SF3B1: variants seen among roughly 807,000 people sequenced by gnomAD.
SF3B1 encodes the protein pre-mRNA processing 10.
In SF3B1, 12 loss-of-function variants were observed where a neutral mutation model predicts 153.8. The observed-to-expected ratio is 0.08, with a 90% CI of 0.05 to 0.13. The LOEUF is 0.13. Ranked by LOEUF, SF3B1 falls within the 10% of genes least tolerant of loss-of-function variation. The pLI is 1.00. For synonymous variants in SF3B1, 498 were observed against 525.2 expected (o/e 0.95, Z 0.71); for missense variants, 513 against 1,606.1 (o/e 0.32, Z 11.63).
At chr2:197,407,665 A>G (rs1384858079) in intron 9 of SF3B1, among the ~76,000 whole-genome samples, 1 of 152,112 alleles carries the variant, frequency 6.6e-6, no homozygotes, top group African/African-American at 2.4e-5. Flanking sequence ...ACTTAAGTAT[A>G]TAAAATCTTG....
At chr2:197,412,811 CCT>C (rs761808197) in intron 6 of SF3B1, among the ~76,000 whole-genome samples, 108 of 150,012 alleles carry the variant, frequency 7.2e-4, no homozygotes, top group Non-Finnish European at 1.3e-3. Flanking sequence ...ACTGCGAAAC[CCT>C]GTCTCTACTA....
intron 20 of SF3B1, among the ~76,000 whole-genome samples, chr2:197,399,418 T>TA (rs1464158764): frequency 1.3e-5 from 2 of 151,978 alleles, no homozygotes; most frequent in Non-Finnish European, 2.9e-5. Context: ...ATAATCAATT[T>TA]AAAAAAAAGA....
In SF3B1 at chr2:197,407,989, A is replaced by T; in HGVS notation, c.1239+9T>A. ...CTAAATACCACCTCATTCAAATTTG[A>T]TGTACTACCTTATATCCTTCTGGGA... On this transcript the variant is annotated intron_variant, in intron 9 of 24. Transcript: ENST00000335508. 3 of 1,608,530 alleles carry T rather than the reference A, an allele frequency of 1.9e-6. No individual in the cohort carries two copies. The highest frequency in any genetic ancestry group is 2.5e-6 in the Non-Finnish European group (3 of 1,176,552).
intron 1 of SF3B1, among the ~76,000 whole-genome samples, chr2:197,430,420 A>G (rs977943587): frequency 1.3e-5 from 2 of 152,148 alleles, no homozygotes; most frequent in Non-Finnish European, 2.9e-5. Context: ...GGTGATGAGT[A>G]TATGAGGGGT....
chr2:197,405,355 T>C lies in SF3B1; in HGVS notation c.1357A>G (p.Met453Val). ...GATGGCTGGTCATTAACACTTTTCA[T>C]AGTTCGATCTTCAGTTTGCATGTGG... Reference protein sequence around the residue: ...GFHMQTEDRTMKSVNDQPSGN... With the variant: ...GFHMQTEDRTVKSVNDQPSGN... The change falls in exon 10 of 25, where the codon ATG becomes GTG. Residue 453 changes from methionine to valine, a missense_variant. Physicochemically the swap from Met to Val is conservative, Grantham distance 21. Transcript: ENST00000335508. 1 of 1,614,090 alleles carries C rather than the reference T, an allele frequency of 6.2e-7. No individual in the cohort carries two copies. The highest frequency in any genetic ancestry group is 8.5e-7 in the Non-Finnish European group (1 of 1,179,976).
intron 1 of SF3B1, among the ~76,000 whole-genome samples, chr2:197,428,703 G>A (rs562127939): frequency 2.4e-4 from 36 of 152,118 alleles, no homozygotes; most frequent in Non-Finnish European, 4.4e-4. Context: ...AAGCCGGCCT[G>A]GCCAACATGG....
At position 197,398,829 on chromosome 2, in the gene SF3B1, A is replaced by G. The variant is rs2084905987; in HGVS notation, c.3014-248T>C. The G allele has an allele frequency of 1.2e-5, 6 of 504,932 alleles. No homozygotes were observed. In the South Asian group the frequency reaches 1.2e-4, roughly 10 times the overall value. The allele number at this position is 504,932 out of a possible 1,614,324, so 31.3% of individuals were successfully genotyped here. On this transcript the variant is annotated intron_variant, in intron 20 of 24. Coordinates refer to ENST00000335508, the MANE Select transcript of SF3B1 (RefSeq NM_012433.4). ...AGGATGATGGATACTCAATAACAAA[A>G]AAGTTTTGTTTGATTCTGAAATATA...
intron 7 of SF3B1, among the ~76,000 whole-genome samples, chr2:197,409,286 C>T (rs767724547): frequency 3.9e-5 from 6 of 152,094 alleles, no homozygotes; most frequent in Non-Finnish European, 7.4e-5. Context: ...GTAATCCCAG[C>T]TACTCAGGAA....
chr2:197,396,475 G>A (rs1486990431), intron 22 of SF3B1, 147 bp from the exon 23 acceptor site: 1 of 641,788 alleles, frequency 1.6e-6, no homozygotes, highest in African/African-American at 1.8e-5. Flanking sequence ...TCAAGTCACT[G>A]GCATTGTTGT....
At chr2:197,426,591 T>C (rs1314141051) in intron 1 of SF3B1, among the ~76,000 whole-genome samples, 4 of 152,200 alleles carry the variant, frequency 2.6e-5, no homozygotes, top group Non-Finnish European at 5.9e-5. Flanking sequence ...AGAAATAGTC[T>C]GCAATCTCCT....
At chr2:197,406,774 C>G (rs2084998606) in intron 9 of SF3B1, among the ~76,000 whole-genome samples, 1 of 152,126 alleles carries the variant, frequency 6.6e-6, no homozygotes. Flanking sequence ...AACAAATACT[C>G]TAACACAAAT....
intron 7 of SF3B1, among the ~76,000 whole-genome samples, chr2:197,409,374 T>C (rs372064380): frequency 1.3e-5 from 2 of 151,272 alleles, no homozygotes; most frequent in African/African-American, 4.9e-5. Context: ...CATTCCAGTC[T>C]GGACAACAAG....
intron 6 of SF3B1, among the ~76,000 whole-genome samples, chr2:197,411,599 G>A (rs975557697): frequency 6.6e-6 from 1 of 151,820 alleles, no homozygotes; most frequent in Non-Finnish European, 1.5e-5. Context: ...GTGAACCCGG[G>A]AGGCAGAGTT....
At chr2:197,405,615 C>A in intron 9 of SF3B1, 143 bp from the exon 10 acceptor site, 1 of 634,498 alleles carries the variant, frequency 1.6e-6, no homozygotes, top group Non-Finnish European at 2.8e-6. Context: ...GCTTTTCTAT[C>A]TTAATTAGAA....
chr2:197,427,626 GA>G (rs1403383887), intron 1 of SF3B1, among the ~76,000 whole-genome samples: 6 of 152,140 alleles, frequency 3.9e-5, no homozygotes, highest in Admixed American at 3.3e-4. Flanking sequence ...AAAAAGGTGG[GA>G]AAAAATACGG....
chr2:197,390,344 AAC>A lies in SF3B1; in HGVS notation c.*1957_*1958del, dbSNP rs2084796368. The stretch of plus-strand genomic sequence containing the variant: ...ACAACTAAAATTTCCTGAGTCATTT[AAC>A]ATCAAATTTTGGCTTTGTAATCTAT... On this transcript the variant is annotated 3_prime_UTR_variant, in exon 25 of 25. Coordinates refer to ENST00000335508, the MANE Select transcript of SF3B1 (RefSeq NM_012433.4). 1 of 152,246 alleles carries A rather than the reference AAC, an allele frequency of 6.6e-6. No homozygotes were observed. Among genetic ancestry groups the A allele is most frequent in the African/African-American group, 2.4e-5 (1 of 41,474 alleles). 9.4% of individuals were successfully genotyped at this position (152,246 alleles called of 1,614,324 possible).
rs1015997320 is a variant in SF3B1, at chr2:197,390,942, A to G, written c.*1361T>C. The G allele has an allele frequency of 2.6e-5, 4 of 152,190 alleles. No homozygotes were observed. Among genetic ancestry groups the G allele is most frequent in the Middle Eastern group, 3.2e-3 (1 of 316 alleles). 9.4% of individuals were successfully genotyped at this position (152,190 alleles called of 1,614,324 possible). ...CTAAGCTTCTGAAGCAGGAACTCCT[A>G]AAGTGTCAATAGGCAGTTTTACTTA... On this transcript the variant is annotated 3_prime_UTR_variant, in exon 25 of 25. Coordinates refer to ENST00000335508, the MANE Select transcript of SF3B1 (RefSeq NM_012433.4).
chr2:197,418,052 A>T (rs2085179105), intron 5 of SF3B1, among the ~76,000 whole-genome samples: 1 of 151,746 alleles, frequency 6.6e-6, no homozygotes, highest in Non-Finnish European at 1.5e-5. Flanking sequence ...CCTGGCCAAC[A>T]TGGTGAAACC....
Position 197,392,399 on chromosome 2 carries a change from G to A in SF3B1, c.3819C>T (p.Tyr1273=). The A allele has an allele frequency of 6.2e-7, 1 of 1,612,932 alleles. No individual in the cohort carries two copies. ...DVYWKIYNSI[Y]IGSQDALIAH... ...CTATGAGAGCGTCCTGGGAACCAAT[G>A]TAGATGGAGTTGTAAATTTTCCAAT... Residue 1273 remains tyrosine (Y), a synonymous_variant, in exon 25 of 25, where the codon TAC becomes TAT. Transcript: ENST00000335508.
Sources: allele counts gnomAD v4.1 joint callset (sites outside exome capture counted in the v4.1 genomes callset), GRCh38; gene constraint gnomAD v4.1.1; transcripts MANE v1.5; gene names NCBI Gene and HGNC (gene_info 2026-07-23, HGNC 2026-07-21).